ADGRA2: variants seen among roughly 807,000 people sequenced by gnomAD.
ADGRA2 encodes adhesion G protein-coupled receptor A2.
A neutral mutation model predicts 98.7 loss-of-function variants in ADGRA2; 61 were observed. The ratio of observed to expected loss-of-function variants is 0.62; its 90% CI spans 0.50 to 0.76. ADGRA2 has a LOEUF of 0.76. Ranked by LOEUF, ADGRA2 falls within the 30% of genes least tolerant of loss-of-function variation. The pLI is 0.00. For missense variants in ADGRA2, 1,712 were observed against 1,860.0 expected (o/e 0.92, Z 1.46); for synonymous variants, 858 against 831.5 (o/e 1.03, Z -0.55).
chr8:37,829,862 C>T lies in ADGRA2; in HGVS notation c.566C>T (p.Thr189Ile). The change falls in exon 6 of 19, where the codon ACC becomes ATC. Residue 189 changes from threonine to isoleucine, a missense_variant. Thr to Ile is a moderately conservative substitution (Grantham distance 89). Coordinates refer to ENST00000412232, the MANE Select transcript of ADGRA2 (RefSeq NM_032777.10). ...LPALKVVDLG[T>I]EFLTCDCHLR... ...TGCCCACCCTGCAGGGACTTGGGCACCGAGTTCCTGACCTGTGACTGCCAC... is the reference window on the plus strand; with the variant it reads ...TGCCCACCCTGCAGGGACTTGGGCATCGAGTTCCTGACCTGTGACTGCCAC... 6.2e-7 allele frequency: 1 copy of T among 1,611,780 alleles called. No individual in the cohort carries two copies. The highest frequency in any genetic ancestry group is 8.5e-7 in the Non-Finnish European group (1 of 1,179,356).
rs1433814653 is a variant in ADGRA2, at chr8:37,804,124, C to CACACACACACACAT, written c.266+6603_266+6604insTACACACACACACA. 1.1e-4 allele frequency among the ~76,000 whole-genome samples: 16 copies of CACACACACACACAT among 149,952 alleles called. 1 individual carries two copies. The highest frequency in any genetic ancestry group is 6.6e-5 in the Admixed American group (1 of 15,038). On this transcript the variant is annotated intron_variant, in intron 1 of 18. Transcript: ENST00000412232. Reference sequence around the variant, plus strand: ...AGACACACACACACACACACACACACACACACACACACACACACACACACA... The same window carrying CACACACACACACAT: ...AGACACACACACACACACACACACACACACACACACACATACACACACACACACACACACACACA...
intron 13 of ADGRA2, among the ~76,000 whole-genome samples, 180 bp from the exon 14 acceptor site, chr8:37,837,551 G>A (rs1170075366): frequency 1.3e-5 from 2 of 152,168 alleles, no homozygotes; most frequent in Non-Finnish European, 2.9e-5. Context: ...CCCCTCCAGG[G>A]TCCCCCATTA....
chr8:37,797,305 GCGCGCCT>G lies in ADGRA2; in HGVS notation c.38_44del (p.Ala13GlyfsTer40). ...GGGACGCAGGATGCGGGGGGCGCCCGCGCGCCTGCTGCTGCCGCTGCTGCCGTGGCTC... is the reference window on the plus strand; with the variant it reads ...GGGACGCAGGATGCGGGGGGCGCCCGGCTGCTGCCGCTGCTGCCGTGGCTC... On this transcript the variant is annotated frameshift_variant, in exon 1 of 19. Coordinates refer to ENST00000412232, the MANE Select transcript of ADGRA2 (RefSeq NM_032777.10). LOFTEE classifies it high-confidence loss of function. This position sits in a 1 kb window ranked among gnomAD's most constrained non-coding sequence, Gnocchi z 5.3. 1 of 1,314,930 alleles carries G rather than the reference GCGCGCCT, an allele frequency of 7.6e-7. No individual in the cohort carries two copies. The allele number at this position is 1,314,930 out of a possible 1,614,324, so 81.5% of individuals were successfully genotyped here. A position where few individuals can be genotyped will look rare whatever the true frequency, so the allele number is the denominator to read the frequency against.
At chr8:37,824,476 C>T (rs1805216027) in intron 2 of ADGRA2, among the ~76,000 whole-genome samples, 1 of 150,128 alleles carries the variant, frequency 6.7e-6, no homozygotes, top group African/African-American at 2.5e-5. Flanking sequence ...TTGATGGTAT[C>T]CTCTAAGGTG....
chr8:37,817,061 G>A (rs1302617965), intron 2 of ADGRA2, among the ~76,000 whole-genome samples: 3 of 152,108 alleles, frequency 2.0e-5, no homozygotes, highest in Non-Finnish European at 4.4e-5. Context: ...CAGTATGGAT[G>A]TGACATGGTG....
intron 14 of ADGRA2, among the ~76,000 whole-genome samples, chr8:37,838,445 G>T (rs544540673): frequency 7.9e-5 from 12 of 152,096 alleles, no homozygotes; most frequent in East Asian, 3.9e-4. Context: ...TAGAGACAGG[G>T]TTTTGCCATG....
At chr8:37,835,035 A>G (rs200651741) in intron 11 of ADGRA2, 139 bp from the exon 12 acceptor site, 38 of 567,506 alleles carry the variant, frequency 6.7e-5, no homozygotes, top group Admixed American at 3.1e-4. Context: ...TAAAAAAAAA[A>G]AGAGAGAGAG....
Position 37,842,514 on chromosome 8 carries a change from T to TG in ADGRA2, c.*159_*160insG. 8 of 1,205,020 alleles carry TG rather than the reference T, an allele frequency of 6.6e-6. No homozygotes were observed. Among genetic ancestry groups the TG allele is most frequent in the Non-Finnish European group, 7.6e-6 (7 of 915,898 alleles). The allele number at this position is 1,205,020 out of a possible 1,614,324, so 74.6% of individuals were successfully genotyped here. A position where few individuals can be genotyped will look rare whatever the true frequency, so the allele number is the denominator to read the frequency against. On this transcript the variant is annotated 3_prime_UTR_variant, in exon 19 of 19. Coordinates refer to ENST00000412232, the MANE Select transcript of ADGRA2 (RefSeq NM_032777.10). ...ATGTTCCCCACTTGCCTAGAGGGCA[T>TG]CCCTCTGGGGTAGCGACAGACAATC... is the stretch of plus-strand genomic sequence containing the variant.
chr8:37,806,513 C>CT (rs1246419562), intron 1 of ADGRA2, among the ~76,000 whole-genome samples: 24 of 103,230 alleles, frequency 2.3e-4, no homozygotes, highest in South Asian at 1.4e-3. Flanking sequence ...TTTTCTTTTT[C>CT]TTTTTTCTTT....
intron 15 of ADGRA2, 37 bp from the exon 16 acceptor site, chr8:37,839,462 G>A (rs759468362): frequency 6.2e-7 from 1 of 1,612,474 alleles, no homozygotes; most frequent in Non-Finnish European, 8.5e-7. Context: ...CTGACCTTGG[G>A]TTGGACGGCC....
chr8:37,798,957 C>G (rs1183025570), intron 1 of ADGRA2, among the ~76,000 whole-genome samples: 1 of 152,368 alleles, frequency 6.6e-6, no homozygotes, highest in Admixed American at 6.5e-5. Context: ...CTCTCTCTGA[C>G]TGTCCGCTGG....
chr8:37,828,304 C>T lies in ADGRA2; in HGVS notation c.339-584C>T, dbSNP rs572028002. On this transcript the variant is annotated intron_variant, in intron 2 of 18. Coordinates refer to ENST00000412232, the MANE Select transcript of ADGRA2 (RefSeq NM_032777.10). ...AACCCCAGCGACCTGCAGGGCAGTC[C>T]GGAGGTGGGGCAGGGTGGGAAAGGA... 2.8e-4 allele frequency among the ~76,000 whole-genome samples: 42 copies of T among 152,198 alleles called. 1 individual carries two copies. The South Asian group carries it at 8.1e-3, about 29-fold the overall frequency.
intron 1 of ADGRA2, among the ~76,000 whole-genome samples, chr8:37,810,011 T>C (rs1427445955): frequency 6.6e-6 from 1 of 152,338 alleles, no homozygotes; most frequent in African/African-American, 2.4e-5. Context: ...TGCCCGCAGC[T>C]GGTCTGAATT....
At chr8:37,813,491 TATC>T (rs1023999955) in intron 1 of ADGRA2, among the ~76,000 whole-genome samples, 53 of 152,308 alleles carry the variant, frequency 3.5e-4, no homozygotes, top group Non-Finnish European at 7.1e-4. Context: ...CTTTTTGACA[TATC>T]AACATTGTGC....
rs932664874 is a variant in ADGRA2, at chr8:37,797,042, C to G, written c.-227C>G. 4.1e-5 allele frequency: 8 copies of G among 194,504 alleles called. No individual in the cohort carries two copies. The highest frequency in any genetic ancestry group is 1.7e-4 in the African/African-American group (7 of 42,270). The allele number at this position is 194,504 out of a possible 1,614,324, so 12.0% of individuals were successfully genotyped here. A position where few individuals can be genotyped will look rare whatever the true frequency, so the allele number is the denominator to read the frequency against. The stretch of plus-strand genomic sequence containing the variant: ...TCCGGCCGCGCAGCTGGGAGCTGCC[C>G]GCGCTGCGCTGACAGCCGCGCCGAC... On this transcript the variant is annotated 5_prime_UTR_variant, in exon 1 of 19. Coordinates refer to ENST00000412232, the MANE Select transcript of ADGRA2 (RefSeq NM_032777.10). This position sits in a 1 kb window ranked among gnomAD's most constrained non-coding sequence, Gnocchi z 5.3.
At position 37,844,874 on chromosome 8, in the gene ADGRA2, A is replaced by T. The variant is rs758382548; in HGVS notation, c.*2519A>T. 1.2e-6 allele frequency: 2 copies of T among 1,614,080 alleles called. No homozygotes were observed. The highest frequency in any genetic ancestry group is 2.7e-5 in the African/African-American group (2 of 74,936). ...GAAGGTCACCGATGTGCTTCACCAC[A>T]GACCGTTTGTCAAGTCTCAGAACTC... On this transcript the variant is annotated 3_prime_UTR_variant, in exon 19 of 19. Transcript: ENST00000412232.
Position 37,842,148 on chromosome 8 carries a change from C to CCAGCGCCG in ADGRA2, c.3818_3825dup (p.Ser1276AlafsTer30). On this transcript the variant is annotated frameshift_variant, in exon 19 of 19. Transcript: ENST00000412232. LOFTEE classifies it low-confidence loss of function (END_TRUNC). ...CGCTTTCTGAGGCGGGCCGGGCAGG[C>CCAGCGCCG]CAGCGCCGCAGCGCCAGCCGCGACA... is the stretch of plus-strand genomic sequence containing the variant. 2 of 1,515,724 alleles carry CCAGCGCCG rather than the reference C, an allele frequency of 1.3e-6. No individual in the cohort carries two copies. Among genetic ancestry groups the CCAGCGCCG allele is most frequent in the Non-Finnish European group, 1.8e-6 (2 of 1,136,898 alleles). 93.9% of individuals were successfully genotyped at this position (1,515,724 alleles called of 1,614,324 possible). A position where few individuals can be genotyped will look rare whatever the true frequency, so the allele number is the denominator to read the frequency against.
intron 2 of ADGRA2, among the ~76,000 whole-genome samples, chr8:37,822,396 C>A (rs1229643809): frequency 7.7e-6 from 1 of 129,568 alleles, no homozygotes; most frequent in East Asian, 2.1e-4. Flanking sequence ...CACACACACA[C>A]ACACACACAC....
Position 37,842,405 on chromosome 8 carries a change from C to T in ADGRA2, c.*50C>T, listed in dbSNP as rs767644551. The T allele has an allele frequency of 1.2e-5, 17 of 1,420,164 alleles. No homozygotes were observed. In the South Asian group the frequency reaches 2.5e-4, roughly 21 times the overall value. 88.0% of individuals were successfully genotyped at this position (1,420,164 alleles called of 1,614,324 possible). A position where few individuals can be genotyped will look rare whatever the true frequency, so the allele number is the denominator to read the frequency against. ...GGGCTGGCCACGCGGCTCGTTCCCC[C>T]GCTCCTCGGGGCCCTCCAAGGTGTC... On this transcript the variant is annotated 3_prime_UTR_variant, in exon 19 of 19. Transcript: ENST00000412232.
Sources: allele counts gnomAD v4.1 joint callset (sites outside exome capture counted in the v4.1 genomes callset), GRCh38; gene constraint gnomAD v4.1.1; non-coding constraint Gnocchi (gnomAD v3.1); transcripts MANE v1.5; gene names NCBI Gene and HGNC (gene_info 2026-07-23, HGNC 2026-07-21).